CA8: variants seen among roughly 807,000 people sequenced by gnomAD.
CA8 encodes the protein carbonic anhydrase-related protein.
Under a neutral mutation model 41.4 loss-of-function variants are expected in CA8, and 22 were observed. The ratio of observed to expected loss-of-function variants is 0.53; its 90% CI spans 0.38 to 0.76. CA8 has a LOEUF of 0.76. CA8 is among the 30% of genes least tolerant of loss of function. The pLI, the probability that CA8 is intolerant of heterozygous loss-of-function variation, is 0.00. For synonymous variants in CA8, 121 were observed against 130.6 expected (o/e 0.93, Z 0.50); for missense variants, 270 against 352.8 (o/e 0.77, Z 1.88).
chr8:60,212,993 T>C (rs935978051), intron 7 of CA8, among the ~76,000 whole-genome samples: 31 of 152,206 alleles, frequency 2.0e-4, no homozygotes, highest in Admixed American at 1.2e-3. Flanking sequence ...AAGCAAATTG[T>C]ACTTAAACAG....
chr8:60,264,167 T>C (rs1467676872), intron 3 of CA8, among the ~76,000 whole-genome samples: 1 of 152,220 alleles, frequency 6.6e-6, no homozygotes, highest in Non-Finnish European at 1.5e-5. Context: ...CCGGAAATGC[T>C]ATCTCAGTAC....
At chr8:60,268,523 A>G (rs1803969878) in intron 2 of CA8, among the ~76,000 whole-genome samples, 1 of 152,208 alleles carries the variant, frequency 6.6e-6, no homozygotes, top group African/African-American at 2.4e-5. Context: ...CTTAACAGCA[A>G]TGAACCCTTT....
At chr8:60,245,054 T>C (rs1236667663) in intron 3 of CA8, among the ~76,000 whole-genome samples, 1 of 152,216 alleles carries the variant, frequency 6.6e-6, no homozygotes, top group African/African-American at 2.4e-5. Flanking sequence ...AGATATGGCA[T>C]GTGTCTGGCA....
At chr8:60,225,405 G>A (rs1484662681) in intron 5 of CA8, among the ~76,000 whole-genome samples, 1 of 152,038 alleles carries the variant, frequency 6.6e-6, no homozygotes, top group Non-Finnish European at 1.5e-5. Flanking sequence ...TTGCCTCCCC[G>A]ATCCCCCTGA....
intron 7 of CA8, among the ~76,000 whole-genome samples, chr8:60,217,890 T>C (rs533429570): frequency 6.6e-6 from 1 of 152,192 alleles, no homozygotes; most frequent in Non-Finnish European, 1.5e-5. Context: ...CACATCTTCA[T>C]ACTGCAGCTA....
intron 3 of CA8, among the ~76,000 whole-genome samples, chr8:60,248,922 C>A (rs911758677): frequency 2.0e-5 from 3 of 152,062 alleles, no homozygotes; most frequent in Non-Finnish European, 4.4e-5. Context: ...TTGTTTGTAT[C>A]CTCTCTTATT....
intron 7 of CA8, among the ~76,000 whole-genome samples, chr8:60,217,863 C>A (rs1339860709): frequency 6.6e-6 from 1 of 152,192 alleles, no homozygotes; most frequent in African/African-American, 2.4e-5. Context: ...TTCCCTCCAT[C>A]TCATTGCCAT....
intron 3 of CA8, among the ~76,000 whole-genome samples, chr8:60,238,476 T>C (rs2130513243): frequency 6.6e-6 from 1 of 152,202 alleles, no homozygotes; most frequent in South Asian, 2.1e-4. Flanking sequence ...AAGATGAACA[T>C]TTCTACAACT....
intron 2 of CA8, among the ~76,000 whole-genome samples, chr8:60,277,303 A>G (rs1804271647): frequency 6.6e-6 from 1 of 152,176 alleles, no homozygotes; most frequent in African/African-American, 2.4e-5. Flanking sequence ...TAGGTGGGGA[A>G]GAGCAGGGGA....
At chr8:60,253,587 G>A (rs570289298) in intron 3 of CA8, among the ~76,000 whole-genome samples, 3 of 152,076 alleles carry the variant, frequency 2.0e-5, no homozygotes, top group Admixed American at 6.5e-5. Flanking sequence ...GCTTAAAAGT[G>A]CTAGTAGTTC....
At chr8:60,232,846 T>C (rs1255658145) in intron 3 of CA8, among the ~76,000 whole-genome samples, 1 of 152,050 alleles carries the variant, frequency 6.6e-6, no homozygotes, top group African/African-American at 2.4e-5. Flanking sequence ...TTCAACTTTC[T>C]AAGAATATTC....
At position 60,203,620 on chromosome 8, in the gene CA8, CCT is replaced by C. The variant is rs1585847210; in HGVS notation, c.*35+5128_*35+5129del. Among the ~76,000 whole-genome samples the C allele has an allele frequency of 2.6e-5, 4 of 151,956 alleles. No individual in the cohort carries two copies. The East Asian group carries it at 7.7e-4, about 29-fold the overall frequency. ...TTTGATACTACTGCTTCTATAATAC[CCT>C]CTTTTAAGAGGTACAGAAAATATTA... is the stretch of plus-strand genomic sequence containing the variant. On this transcript the variant is annotated intron_variant, in intron 8 of 8. Transcript: ENST00000317995.
At chr8:60,196,883 G>A (rs535174308) in intron 8 of CA8, among the ~76,000 whole-genome samples, 28 of 152,270 alleles carry the variant, frequency 1.8e-4, no homozygotes, top group African/African-American at 6.5e-4. Context: ...CACATACATT[G>A]TGGTCGATGC....
chr8:60,219,106 T>A (rs1807138299), intron 7 of CA8, among the ~76,000 whole-genome samples: 1 of 152,124 alleles, frequency 6.6e-6, no homozygotes, highest in Non-Finnish European at 1.5e-5. Flanking sequence ...TCCTCACTAC[T>A]TGACTCTTCT....
chr8:60,261,169 G>C (rs1355602582), intron 3 of CA8, among the ~76,000 whole-genome samples: 1 of 152,080 alleles, frequency 6.6e-6, no homozygotes, highest in African/African-American at 2.4e-5. Context: ...ACGAGATAAA[G>C]TCTTCAGAAT....
intron 8 of CA8, among the ~76,000 whole-genome samples, chr8:60,190,190 C>A (rs1806075966): frequency 6.6e-6 from 1 of 151,616 alleles, no homozygotes; most frequent in Non-Finnish European, 1.5e-5. Context: ...ATTTCTATGG[C>A]AGACCTATTA....
At chr8:60,270,766 CT>C (rs1804045505) in intron 2 of CA8, among the ~76,000 whole-genome samples, 1 of 152,168 alleles carries the variant, frequency 6.6e-6, no homozygotes, top group African/African-American at 2.4e-5. Context: ...CTCAAAGTAA[CT>C]TTTAAGAAAT....
chr8:60,230,023 ATATAT>A (rs1807586084), intron 4 of CA8, among the ~76,000 whole-genome samples: 1 of 152,130 alleles, frequency 6.6e-6, no homozygotes, highest in Admixed American at 6.5e-5. Context: ...TGACTGCCAA[ATATAT>A]TATCATCCCC....
At chr8:60,243,149 CCA>C (rs1808099530) in intron 3 of CA8, among the ~76,000 whole-genome samples, 1 of 152,096 alleles carries the variant, frequency 6.6e-6, no homozygotes, top group African/African-American at 2.4e-5. Flanking sequence ...GCCCAAAGGC[CCA>C]CCAGTCAGCA....
Sources: gnomAD v4.1 joint callset for allele counts (sites outside exome capture counted in the v4.1 genomes callset) on GRCh38, gnomAD v4.1.1 for gene constraint, MANE v1.5 for transcripts, NCBI Gene and HGNC (gene_info 2026-07-23, HGNC 2026-07-21) for gene names.